Variants in ADCY9 observed in about 807,000 individuals in gnomAD.
The protein encoded by ADCY9 is adenylate cyclase 9.
ADCY9 carries 50 observed loss-of-function variants against 101.5 expected under a neutral mutation model. The observed-to-expected ratio is 0.49, with a 90% CI of 0.39 to 0.62. The LOEUF is 0.62. Ranked by LOEUF, ADCY9 falls within the 20% of genes least tolerant of loss-of-function variation. The pLI, the probability that ADCY9 is intolerant of heterozygous loss-of-function variation, is 0.00. For synonymous variants in ADCY9, 905 were observed against 769.3 expected (o/e 1.18, Z -2.92); for missense variants, 1,662 against 1,800.4 (o/e 0.92, Z 1.39).
downstream of ADCY9, among the ~76,000 whole-genome samples, chr16:3,959,764 G>C (rs891194869): frequency 6.6e-6 from 1 of 151,806 alleles, no homozygotes; most frequent in African/African-American, 2.4e-5. Context: ...AGTGGCTCAT[G>C]GCTGTAATCC....
chr16:3,997,496 A>G (rs1302339200), intron 3 of ADCY9, among the ~76,000 whole-genome samples: 3 of 152,234 alleles, frequency 2.0e-5, no homozygotes, highest in African/African-American at 7.2e-5. Context: ...CCCTGCAGTG[A>G]TAAGAAGTTC....
intron 2 of ADCY9, among the ~76,000 whole-genome samples, chr16:4,061,643 A>G (rs899536711): frequency 3.3e-5 from 5 of 152,206 alleles, no homozygotes; most frequent in Non-Finnish European, 7.3e-5. Context: ...ACAAGTAGAA[A>G]TAAAGATATT....
chr16:3,961,980 C>T (rs1486578747), downstream of ADCY9, among the ~76,000 whole-genome samples: 4 of 151,486 alleles, frequency 2.6e-5, no homozygotes, highest in East Asian at 2.0e-4. Context: ...GAGCTGAGAT[C>T]GCACCACGGC....
chr16:4,114,173 C>T lies in ADCY9; in HGVS notation c.1270G>A (p.Gly424Ser), dbSNP rs1467893003. ...ALVGLLNDLF[G>S]RFDRLCEETK... ...TCCTCACACAGGCGGTCGAAGCGAC[C>T]GAACAGATCGTTCAGGAGACCCACC... The change falls in exon 2 of 11, where the codon GGT (glycine) becomes AGT (serine). Residue 424 changes from glycine (G) to serine (S), a missense_variant. This residue lies in a region of ADCY9 where 228 missense variants were observed against 301.1 expected (regional missense o/e 0.76). Transcript: ENST00000294016. This position sits in a 1 kb window ranked among gnomAD's most constrained non-coding sequence, Gnocchi z 4.3. The T allele has an allele frequency of 6.2e-7, 1 of 1,613,892 alleles. No homozygotes were observed. The highest frequency in any genetic ancestry group is 8.5e-7 in the Non-Finnish European group (1 of 1,180,034).
At chr16:4,000,030 T>G (rs1046233069) in intron 3 of ADCY9, among the ~76,000 whole-genome samples, 1 of 152,222 alleles carries the variant, frequency 6.6e-6, no homozygotes, top group Non-Finnish European at 1.5e-5. Context: ...GAGCCCTGGC[T>G]TTGCCTGCTT....
intron 2 of ADCY9, among the ~76,000 whole-genome samples, chr16:4,059,379 GAAA>G (rs1555441793): frequency 1.7e-5 from 2 of 118,470 alleles, no homozygotes; most frequent in Non-Finnish European, 3.4e-5. Context: ...AGAATCCATC[GAAA>G]AAAAAAAAAA....
At chr16:4,076,684 C>G (rs2056869322) in intron 2 of ADCY9, among the ~76,000 whole-genome samples, 1 of 152,122 alleles carries the variant, frequency 6.6e-6, no homozygotes, top group South Asian at 2.1e-4. Flanking sequence ...AATTAAGGAG[C>G]CATTAATTAG....
chr16:4,093,011 A>G (rs2056982946), intron 2 of ADCY9, among the ~76,000 whole-genome samples: 1 of 151,362 alleles, frequency 6.6e-6, no homozygotes, highest in Non-Finnish European at 1.5e-5. Context: ...ATTTTTATAG[A>G]GAAATTGCTA....
At chr16:4,079,388 T>C (rs1255369063) in intron 2 of ADCY9, among the ~76,000 whole-genome samples, 2 of 152,002 alleles carry the variant, frequency 1.3e-5, no homozygotes, top group Admixed American at 6.6e-5. Context: ...GGCCAACATG[T>C]TGAAACCCCG....
At chr16:4,073,858 T>C (rs186547294) in intron 2 of ADCY9, among the ~76,000 whole-genome samples, 14 of 151,982 alleles carry the variant, frequency 9.2e-5, no homozygotes, top group South Asian at 2.1e-4. Flanking sequence ...AAACGAAGAG[T>C]TCCTGAAGTG....
At chr16:3,977,427 C>A (rs928035957) in intron 9 of ADCY9, 55 bp downstream of exon 9, 1 of 1,530,004 alleles carries the variant, frequency 6.5e-7, no homozygotes, top group Non-Finnish European at 8.8e-7. Context: ...CCCTACGCAA[C>A]CTCGGGCAAG....
At chr16:4,088,672 C>G (rs1302970460) in intron 2 of ADCY9, among the ~76,000 whole-genome samples, 1 of 151,980 alleles carries the variant, frequency 6.6e-6, no homozygotes, top group African/African-American at 2.4e-5. Flanking sequence ...GCTGTAACAG[C>G]ACCGTCCACC....
Position 4,114,647 on chromosome 16 carries a change from C to T in ADCY9, c.796G>A (p.Glu266Lys). The T allele has an allele frequency of 6.2e-7, 1 of 1,613,468 alleles. No individual in the cohort carries two copies. Among genetic ancestry groups the T allele is most frequent in the Non-Finnish European group, 8.5e-7 (1 of 1,180,046 alleles). The part of the protein sequence containing the change: ...FETFGYHFRD[E>K]ACFPSPGAGA... ...GCTCCGGGCGAGGGGAAGCAGGCTT[C>T]ATCCCGGAAATGGTAGCCAAAGGTC... The change falls in exon 2 of 11, where the codon GAA (glutamate) becomes AAA (lysine). Residue 266 changes from glutamate (E) to lysine (K), a missense_variant. Physicochemically the swap from Glu to Lys is moderately conservative, Grantham distance 56 (BLOSUM62 1). Around this residue, in one of 5 missense-constraint regions of ADCY9, gnomAD observed 422 missense variants for 392.0 expected, o/e 1.08. Transcript: ENST00000294016. The surrounding 1 kb of genome is among the most constrained non-coding windows in gnomAD (Gnocchi z 4.3).
At chr16:4,047,097 T>C (rs28645979) in intron 2 of ADCY9, among the ~76,000 whole-genome samples, 1,560 of 152,296 alleles carry the variant, frequency 0.01, 17 homozygotes, top group African/African-American at 0.034. Flanking sequence ...TAGGCAGACA[T>C]TGAATGCTAA....
Position 3,979,243 on chromosome 16 carries a change from C to T in ADCY9, c.2552G>A (p.Cys851Tyr), listed in dbSNP as rs758085762. 8 of 1,613,834 alleles carry T rather than the reference C, an allele frequency of 5.0e-6. No homozygotes were observed. Among genetic ancestry groups the T allele is most frequent in the Non-Finnish European group, 6.8e-6 (8 of 1,179,976 alleles). The change falls in exon 8 of 11, where the codon TGC becomes TAC. Residue 851 changes from cysteine to tyrosine, a missense_variant. By Grantham distance (194) the Cys-to-Tyr change is radical. Around this residue, in one of 5 missense-constraint regions of ADCY9, gnomAD observed 624 missense variants for 639.1 expected, o/e 0.98. Transcript: ENST00000294016. The part of the protein sequence containing the change: ...MVFFLEDVMA[C>Y]TKRLLEWIAG... ...GATCCACTCCAGCAGGCGCTTGGTG[C>T]AGGCCATGACGTCCTCCAGGAAGAA...
intron 2 of ADCY9, 69 bp downstream of exon 2, chr16:4,113,681 G>A: frequency 2.0e-6 from 3 of 1,512,548 alleles, no homozygotes; most frequent in Non-Finnish European, 1.8e-6. Context: ...GAGGCTGGAA[G>A]CTTTTTTTTT....
chr16:4,070,166 T>G (rs1416651980), intron 2 of ADCY9, among the ~76,000 whole-genome samples: 1 of 152,152 alleles, frequency 6.6e-6, no homozygotes, highest in Non-Finnish European at 1.5e-5. Context: ...CATTCTCTTT[T>G]GTACTTTTAA....
intron 2 of ADCY9, among the ~76,000 whole-genome samples, chr16:4,113,507 TCTC>T (rs2057126930): frequency 1.3e-5 from 2 of 152,120 alleles, no homozygotes; most frequent in African/African-American, 4.8e-5. Context: ...CGTTCAAAGT[TCTC>T]CTTCCTTCTA....
rs2055955118 is a variant in ADCY9 at position 3,963,257 on chromosome 16, G to A, written c.*2518C>T. 5.0e-6 allele frequency: 2 copies of A among 397,864 alleles called. No homozygotes were observed. The highest frequency in any genetic ancestry group is 4.4e-6 in the Non-Finnish European group (1 of 225,684). The allele number at this position is 397,864 out of a possible 1,614,324, so 24.6% of individuals were successfully genotyped here. Reference sequence around the variant, plus strand: ...ATTGCTTCCTGCCCTAAGTTCCTAAGAGGTATTGCCACCCTGAAGCACGAC... The same window carrying A: ...ATTGCTTCCTGCCCTAAGTTCCTAAAAGGTATTGCCACCCTGAAGCACGAC... On this transcript the variant is annotated 3_prime_UTR_variant, in exon 11 of 11. Transcript: ENST00000294016.
Sources: allele counts gnomAD v4.1 joint callset (sites outside exome capture counted in the v4.1 genomes callset), GRCh38; gene constraint gnomAD v4.1.1; regional missense constraint gnomAD v4.1.1; non-coding constraint Gnocchi (gnomAD v3.1); transcripts MANE v1.5; gene names NCBI Gene and HGNC (gene_info 2026-07-23, HGNC 2026-07-21).